The following GPC5 variants were observed in gnomAD, a reference collection of about 807,000 sequenced individuals.
GPC5 encodes the protein glypican 5.
Under a neutral mutation model 53.9 loss-of-function variants are expected in GPC5, and 47 were observed. The observed-to-expected ratio is 0.87, with a 90% CI of 0.69 to 1.11. GPC5 has a LOEUF of 1.11. GPC5 is among the 50% of genes most tolerant of loss of function. The pLI is 0.00. For missense variants in GPC5, 748 were observed against 713.1 expected (o/e 1.05, Z -0.56); for synonymous variants, 286 against 263.3 (o/e 1.09, Z -0.84).
At chr13:92,527,870 T>C (rs549820017) in intron 7 of GPC5, among the ~76,000 whole-genome samples, 2 of 152,130 alleles carry the variant, frequency 1.3e-5, no homozygotes, top group South Asian at 4.2e-4. Context: ...AAAATACTGG[T>C]TAAAGAAAAT....
intron 7 of GPC5, among the ~76,000 whole-genome samples, chr13:92,367,333 C>T (rs971379822): frequency 1.1e-4 from 16 of 152,106 alleles, no homozygotes; most frequent in Admixed American, 7.2e-4. Flanking sequence ...AAGCATGATG[C>T]TTTCCTTTAG....
intron 7 of GPC5, among the ~76,000 whole-genome samples, chr13:92,789,475 TG>T (rs1189308872): frequency 1.3e-5 from 2 of 152,186 alleles, no homozygotes; most frequent in African/African-American, 4.8e-5. Flanking sequence ...ATGGTAGGAA[TG>T]GTTTATTTAT....
At chr13:92,753,647 A>G (rs1356862359) in intron 7 of GPC5, among the ~76,000 whole-genome samples, 1 of 152,196 alleles carries the variant, frequency 6.6e-6, no homozygotes, top group Non-Finnish European at 1.5e-5. Flanking sequence ...GAGCTGATGG[A>G]GCTGAAAACC....
chr13:92,204,457 C>T (rs1420401632), intron 7 of GPC5, among the ~76,000 whole-genome samples: 1 of 152,172 alleles, frequency 6.6e-6, no homozygotes, highest in East Asian at 1.9e-4. Context: ...GGTACAGTCC[C>T]TCAGACTGCC....
At chr13:92,854,936 A>T (rs1435018431) in intron 7 of GPC5, among the ~76,000 whole-genome samples, 1 of 151,886 alleles carries the variant, frequency 6.6e-6, no homozygotes, top group African/African-American at 2.4e-5. Flanking sequence ...TGCTTCTAAG[A>T]TCTTAATCAT....
chr13:92,359,960 T>C (rs962330419), intron 7 of GPC5, among the ~76,000 whole-genome samples: 1 of 151,750 alleles, frequency 6.6e-6, no homozygotes. Context: ...ATTTGTGTCT[T>C]ATAGGTGCTG....
intron 7 of GPC5, among the ~76,000 whole-genome samples, chr13:92,756,099 G>A (rs1240506621): frequency 2.6e-5 from 4 of 151,632 alleles, no homozygotes; most frequent in African/African-American, 9.7e-5. Context: ...CTGGCAAAAC[G>A]AATCCAGCAG....
chr13:91,717,222 G>A (rs2036357731), intron 3 of GPC5, among the ~76,000 whole-genome samples: 1 of 152,240 alleles, frequency 6.6e-6, no homozygotes, highest in Non-Finnish European at 1.5e-5. Context: ...TTTAGCTGAA[G>A]TGTAGGATAC....
chr13:92,604,801 C>T (rs547893155), intron 7 of GPC5, among the ~76,000 whole-genome samples: 1 of 152,276 alleles, frequency 6.6e-6, no homozygotes, highest in Non-Finnish European at 1.5e-5. Flanking sequence ...TTATTTTATA[C>T]ATATTTTTCA....
At chr13:91,648,139 C>T (rs1443136077) in intron 2 of GPC5, among the ~76,000 whole-genome samples, 1 of 152,172 alleles carries the variant, frequency 6.6e-6, no homozygotes, top group African/African-American at 2.4e-5. Context: ...ATGAAAAATA[C>T]TTTAGCATAC....
chr13:92,357,947 G>A (rs901750554), intron 7 of GPC5, among the ~76,000 whole-genome samples: 1 of 151,402 alleles, frequency 6.6e-6, no homozygotes, highest in African/African-American at 2.5e-5. Context: ...TTCACACATT[G>A]CAAAATAAAA....
chr13:91,422,214 G>A (rs1878687993), intron 1 of GPC5, among the ~76,000 whole-genome samples: 1 of 152,122 alleles, frequency 6.6e-6, no homozygotes, highest in Non-Finnish European at 1.5e-5. Context: ...CTTTGGTAAG[G>A]TGCGTATAAA....
chr13:92,104,095 C>T (rs1219153465), intron 6 of GPC5, among the ~76,000 whole-genome samples: 6 of 152,108 alleles, frequency 3.9e-5, no homozygotes, highest in Non-Finnish European at 8.8e-5. Context: ...GTCAAACTCA[C>T]AGCCTGTAAG....
chr13:92,649,473 T>C (rs1281669040), intron 7 of GPC5, among the ~76,000 whole-genome samples: 2 of 152,190 alleles, frequency 1.3e-5, no homozygotes, highest in African/African-American at 2.4e-5. Flanking sequence ...AAATTGGCAT[T>C]GAGTTTCAAA....
chr13:92,194,504 TAAGTTC>T (rs2139051985), intron 7 of GPC5, among the ~76,000 whole-genome samples: 1 of 152,350 alleles, frequency 6.6e-6, no homozygotes, highest in East Asian at 1.9e-4. Context: ...GCCATGATTA[TAAGTTC>T]AAGGTTCATT....
chr13:91,610,584 C>G (rs2033517306), intron 2 of GPC5, among the ~76,000 whole-genome samples: 1 of 152,190 alleles, frequency 6.6e-6, no homozygotes, highest in Admixed American at 6.5e-5. Context: ...AAATTCTCAT[C>G]TGGCTGCTTT....
chr13:92,172,259 G>T (rs2042076142), intron 7 of GPC5, among the ~76,000 whole-genome samples: 1 of 152,046 alleles, frequency 6.6e-6, no homozygotes, highest in African/African-American at 2.4e-5. Context: ...GGAGTAGTGG[G>T]GTCAAGTTGG....
At chr13:92,100,881 A>G (rs928363427) in intron 6 of GPC5, among the ~76,000 whole-genome samples, 15 of 152,234 alleles carry the variant, frequency 9.9e-5, no homozygotes, top group Non-Finnish European at 1.8e-4. Flanking sequence ...TGCTCCACTT[A>G]CAGACATACA....
At chr13:91,449,662 A>G (rs574177649) in intron 2 of GPC5, among the ~76,000 whole-genome samples, 3 of 152,212 alleles carry the variant, frequency 2.0e-5, no homozygotes, top group Non-Finnish European at 4.4e-5. Context: ...GGAAATGTTA[A>G]TTGGATGTTT....
Sources: allele counts gnomAD v4.1 joint callset (sites outside exome capture counted in the v4.1 genomes callset), GRCh38; gene constraint gnomAD v4.1.1; transcripts MANE v1.5; gene names NCBI Gene and HGNC (gene_info 2026-07-23, HGNC 2026-07-21).